RAPGEF5: variants seen among roughly 807,000 people sequenced by gnomAD.
The protein encoded by RAPGEF5 is M-Ras-regulated GEF.
Under a neutral mutation model 125.2 loss-of-function variants are expected in RAPGEF5, and 65 were observed. The observed-to-expected ratio is 0.52, with a 90% CI of 0.43 to 0.64. The LOEUF (loss-of-function observed/expected upper bound fraction) is 0.64, where lower values mean the gene tolerates loss of function less well. Among genes scored for constraint, RAPGEF5 ranks in the 30% least tolerant of loss-of-function variants. The pLI, the probability that RAPGEF5 is intolerant of heterozygous loss-of-function variation, is 0.00. For missense variants in RAPGEF5, 958 were observed against 1,048.1 expected (o/e 0.91, Z 1.19); for synonymous variants, 391 against 385.9 (o/e 1.01, Z -0.16).
intron 7 of RAPGEF5, among the ~76,000 whole-genome samples, chr7:22,242,224 G>T (rs908027994): frequency 6.6e-6 from 1 of 152,202 alleles, no homozygotes; most frequent in Non-Finnish European, 1.5e-5. Flanking sequence ...AGAGAAGACT[G>T]CCCCAAAGTC....
In RAPGEF5 at chr7:22,120,128, A is replaced by T. The variant is rs568465066; in HGVS notation, c.*2278T>A. ...GACAAGGATGGAAAAGCAAATCTTG[A>T]CTGCACAAAATCCTCCCTTCCCTCT... On this transcript the variant is annotated 3_prime_UTR_variant, in exon 26 of 26. Transcript: ENST00000665637. This position sits in a 1 kb window ranked among gnomAD's most constrained non-coding sequence, Gnocchi z 4.0. The T allele has an allele frequency of 6.6e-6, 1 of 152,344 alleles. No individual in the cohort carries two copies. Among genetic ancestry groups the T allele is most frequent in the South Asian group, 2.1e-4 (1 of 4,828 alleles). The allele number at this position is 152,344 out of a possible 1,614,324, so 9.4% of individuals were successfully genotyped here.
At chr7:22,342,950 C>T (rs1039483760) in intron 1 of RAPGEF5, among the ~76,000 whole-genome samples, 3 of 152,220 alleles carry the variant, frequency 2.0e-5, no homozygotes, top group Non-Finnish European at 2.9e-5. Context: ...GTTCCAAAGT[C>T]GCTTCCACAT....
intron 25 of RAPGEF5, among the ~76,000 whole-genome samples, chr7:22,123,221 G>C (rs1235909491): frequency 6.6e-6 from 1 of 152,148 alleles, no homozygotes; most frequent in Non-Finnish European, 1.5e-5. Context: ...GAATCGAGGG[G>C]CCAAAGGAGG....
chr7:22,149,350 A>C (rs1444621896), intron 18 of RAPGEF5, among the ~76,000 whole-genome samples: 1 of 152,260 alleles, frequency 6.6e-6, no homozygotes, highest in Non-Finnish European at 1.5e-5. Context: ...TCAATTATAC[A>C]TACAACAGGA....
At chr7:22,355,587 C>T (rs1206813642) in intron 1 of RAPGEF5, among the ~76,000 whole-genome samples, 1 of 152,192 alleles carries the variant, frequency 6.6e-6, no homozygotes, top group African/African-American at 2.4e-5. Context: ...TTCCTAAACT[C>T]TCTGGGTCAC....
At chr7:22,247,892 A>C (rs1028055932) in intron 7 of RAPGEF5, among the ~76,000 whole-genome samples, 1 of 152,208 alleles carries the variant, frequency 6.6e-6, no homozygotes, top group Non-Finnish European at 1.5e-5. Context: ...CAAATACTGC[A>C]TGTTCTTACT....
intron 1 of RAPGEF5, among the ~76,000 whole-genome samples, chr7:22,336,816 C>T (rs1784035208): frequency 6.6e-6 from 1 of 152,228 alleles, no homozygotes; most frequent in Non-Finnish European, 1.5e-5. Context: ...CCCTCCTCAC[C>T]TTTCAAATTG....
At chr7:22,188,496 G>C (rs1419415609) in intron 11 of RAPGEF5, among the ~76,000 whole-genome samples, 6 of 152,172 alleles carry the variant, frequency 3.9e-5, no homozygotes, top group Non-Finnish European at 8.8e-5. Context: ...GCCGGGCGCA[G>C]TGGCTCACAT....
intron 7 of RAPGEF5, among the ~76,000 whole-genome samples, chr7:22,258,842 A>G (rs866264981): frequency 2.0e-4 from 30 of 152,196 alleles, no homozygotes; most frequent in African/African-American, 6.5e-4. Context: ...AGACACAGAC[A>G]TTACACCCTT....
intron 9 of RAPGEF5, among the ~76,000 whole-genome samples, chr7:22,213,294 C>A (rs966455337): frequency 1.3e-5 from 2 of 152,178 alleles, no homozygotes; most frequent in Non-Finnish European, 2.9e-5. Context: ...GGAGGAAAAG[C>A]TAGAATTTAA....
intron 1 of RAPGEF5, among the ~76,000 whole-genome samples, chr7:22,332,465 A>G: frequency 6.6e-6 from 1 of 152,212 alleles, no homozygotes; most frequent in East Asian, 1.9e-4. Flanking sequence ...AGCCCTAAAT[A>G]CAAAGGTAAA....
At chr7:22,324,050 CTTAG>C (rs994084700) in intron 1 of RAPGEF5, among the ~76,000 whole-genome samples, 2 of 152,114 alleles carry the variant, frequency 1.3e-5, no homozygotes, top group African/African-American at 4.8e-5. Context: ...CGCCGAAATA[CTTAG>C]TAAGTACACA....
intron 11 of RAPGEF5, among the ~76,000 whole-genome samples, chr7:22,176,679 C>T (rs1723584468): frequency 6.6e-6 from 1 of 152,122 alleles, no homozygotes; most frequent in African/African-American, 2.4e-5. Context: ...CAGGAGCCCA[C>T]CACCATGCCC....
chr7:22,153,171 C>T (rs1783685174), intron 17 of RAPGEF5, among the ~76,000 whole-genome samples: 1 of 152,140 alleles, frequency 6.6e-6, no homozygotes, highest in Admixed American at 6.5e-5. Flanking sequence ...CACCTTCTGT[C>T]TGAATGGGGA....
At chr7:22,149,029 T>C (rs1294697052) in intron 18 of RAPGEF5, among the ~76,000 whole-genome samples, 4 of 152,160 alleles carry the variant, frequency 2.6e-5, no homozygotes, top group African/African-American at 9.7e-5. Context: ...CATGTACAAA[T>C]GAAAGAAATG....
At chr7:22,211,963 C>CTTTTTTTTTTTTTTTTT (rs749576250) in intron 9 of RAPGEF5, among the ~76,000 whole-genome samples, 1 of 114,362 alleles carries the variant, frequency 8.7e-6, no homozygotes, top group East Asian at 2.8e-4. Context: ...CATGTGTTCT[C>CTTTTTTTTTTTTTTTTT]TTTTTTTTTT....
At chr7:22,137,556 AG>A (rs1783116602) in intron 21 of RAPGEF5, among the ~76,000 whole-genome samples, 1 of 152,248 alleles carries the variant, frequency 6.6e-6, no homozygotes, top group South Asian at 2.1e-4. Context: ...GGCCTAAGGA[AG>A]AAGGGCCTGG....
intron 4 of RAPGEF5, among the ~76,000 whole-genome samples, chr7:22,309,173 C>A (rs1031875891): frequency 6.6e-6 from 1 of 152,116 alleles, no homozygotes; most frequent in African/African-American, 2.4e-5. Context: ...TAACCAAAAG[C>A]CTGAAACTAT....
Position 22,176,311 on chromosome 7 carries a change from G to C in RAPGEF5, c.1205-9163C>G, listed in dbSNP as rs1251183954. Reference sequence around the variant, plus strand: ...GGAGCTACAATTCAAGATGAGATTTGGGTGAGGACACAGCCAAACCATATC... The same window carrying C: ...GGAGCTACAATTCAAGATGAGATTTCGGTGAGGACACAGCCAAACCATATC... On this transcript the variant is annotated intron_variant, in intron 11 of 25. Transcript: ENST00000665637. 2.0e-5 allele frequency among the ~76,000 whole-genome samples: 3 copies of C among 152,078 alleles called. No individual in the cohort carries two copies. In the East Asian group the frequency reaches 5.8e-4, roughly 29 times the overall value.
Sources: allele counts gnomAD v4.1 joint callset (sites outside exome capture counted in the v4.1 genomes callset), GRCh38; gene constraint gnomAD v4.1.1; non-coding constraint Gnocchi (gnomAD v3.1); transcripts MANE v1.5; gene names NCBI Gene and HGNC (gene_info 2026-07-23, HGNC 2026-07-21).